The following DOCK1 variants were observed in gnomAD, a reference collection of about 807,000 sequenced individuals.
DOCK1 encodes the protein dedicator of cytokinesis protein 1.
DOCK1 carries 138 observed loss-of-function variants against 262.7 expected under a neutral mutation model. The ratio of observed to expected loss-of-function variants is 0.53; its 90% confidence interval spans 0.46 to 0.61. The LOEUF (loss-of-function observed/expected upper bound fraction) is 0.61. DOCK1 is among the 20% of genes least tolerant of loss of function. The pLI is 0.00. For synonymous variants in DOCK1, 866 were observed against 867.4 expected (o/e 1.00, Z 0.03); for missense variants, 1,908 against 2,370.7 (o/e 0.80, Z 4.05).
chr10:127,126,804 C>A (rs1283172333), intron 26 of DOCK1, among the ~76,000 whole-genome samples: 1 of 152,192 alleles, frequency 6.6e-6, no homozygotes, highest in African/African-American at 2.4e-5. Context: ...TCCTGCATGA[C>A]CTTGAAAATC....
chr10:127,446,538 T>A lies in DOCK1; in HGVS notation c.5414-856T>A, dbSNP rs977256457. On this transcript the variant is annotated intron_variant, in intron 50 of 51. Coordinates refer to ENST00000623213, the MANE Select transcript of DOCK1 (RefSeq NM_001290223.2). The surrounding 1 kb of genome is among the most constrained non-coding windows in gnomAD (Gnocchi z 4.4). ...TGAGGACAGTCACTCACCGAAGCCT[T>A]CGTATTTCCCTCAGCCCCATGGCAG... Among the ~76,000 whole-genome samples the A allele has an allele frequency of 2.6e-5, 4 of 152,162 alleles. No individual in the cohort carries two copies. Among genetic ancestry groups the A allele is most frequent in the Non-Finnish European group, 4.4e-5 (3 of 68,028 alleles).
chr10:127,077,119 G>A (rs1170307549), intron 23 of DOCK1, among the ~76,000 whole-genome samples: 8 of 152,294 alleles, frequency 5.3e-5, no homozygotes, highest in East Asian at 3.9e-4. Flanking sequence ...CGAGGGCCGA[G>A]CGCGGTGGCT....
chr10:127,239,699 G>C (rs1385684139), intron 27 of DOCK1, among the ~76,000 whole-genome samples: 1 of 152,040 alleles, frequency 6.6e-6, no homozygotes, highest in African/African-American at 2.4e-5. Flanking sequence ...CTATTATAGT[G>C]TGTTTTCAGA....
At chr10:127,372,441 TC>T (rs148146695) in intron 33 of DOCK1, among the ~76,000 whole-genome samples, 437 of 152,322 alleles carry the variant, frequency 2.9e-3, no homozygotes, top group African/African-American at 0.01. Flanking sequence ...TTATCAACCC[TC>T]TAGACCGCTC....
intron 27 of DOCK1, among the ~76,000 whole-genome samples, chr10:127,141,728 G>T (rs1266046605): frequency 6.6e-6 from 1 of 151,748 alleles, no homozygotes; most frequent in East Asian, 1.9e-4. Context: ...AGTTGCCCTG[G>T]ACTGCTTTGT....
chr10:127,020,958 A>G (rs551374742), intron 13 of DOCK1, among the ~76,000 whole-genome samples: 2 of 152,262 alleles, frequency 1.3e-5, no homozygotes, highest in African/African-American at 4.8e-5. Context: ...ATCCTTATGA[A>G]GGATCCAGGC....
At chr10:127,154,409 C>G (rs148975831) in intron 27 of DOCK1, among the ~76,000 whole-genome samples, 2 of 152,136 alleles carry the variant, frequency 1.3e-5, no homozygotes, top group East Asian at 3.9e-4. Context: ...TTTTTAAGCA[C>G]TTGAAAAAAA....
chr10:127,258,888 A>G (rs960275124), intron 29 of DOCK1, among the ~76,000 whole-genome samples: 2 of 152,140 alleles, frequency 1.3e-5, no homozygotes, highest in African/African-American at 4.8e-5. Context: ...GCCTCTCTTT[A>G]ATGCCTATTG....
chr10:126,945,073 G>C (rs2035290922), intron 1 of DOCK1, among the ~76,000 whole-genome samples: 1 of 152,014 alleles, frequency 6.6e-6, no homozygotes, highest in Non-Finnish European at 1.5e-5. Flanking sequence ...TCCTGACTTT[G>C]TGATCCGCCT....
At position 127,061,746 on chromosome 10, in the gene DOCK1, C is replaced by T. The variant is rs1165515264; in HGVS notation, c.2415C>T (p.Ser805=). 1.3e-6 allele frequency: 2 copies of T among 1,593,482 alleles called. No homozygotes were observed. The part of the protein sequence containing the change: ...QLFRSINDMM[S]SMSDQTVRVK... ...TCAGGTCCATCAATGACATGATGAG[C>T]AGCATGTCAGACCAGACCGTCCGGG... is the stretch of plus-strand genomic sequence containing the variant. Residue 805 remains serine (S), a synonymous_variant, in exon 23 of 52, where the codon AGC becomes AGT. Transcript: ENST00000623213.
intron 38 of DOCK1, among the ~76,000 whole-genome samples, chr10:127,388,931 C>A (rs1170359761): frequency 6.6e-6 from 1 of 152,230 alleles, no homozygotes; most frequent in African/African-American, 2.4e-5. Context: ...TAGAAATCCC[C>A]TAAGTATGCA....
chr10:127,111,293 T>C (rs1037681295), intron 25 of DOCK1, among the ~76,000 whole-genome samples: 2 of 152,166 alleles, frequency 1.3e-5, no homozygotes, highest in African/African-American at 4.8e-5. Flanking sequence ...AGGCTAATAT[T>C]GAAAGAAAAT....
chr10:127,222,632 TG>T (rs1432688335), intron 27 of DOCK1, among the ~76,000 whole-genome samples: 30 of 12,698 alleles, frequency 2.4e-3, no homozygotes, highest in African/African-American at 5.1e-3. Flanking sequence ...TTTTGTTTTG[TG>T]TTGTGTTGTG....
At chr10:127,439,800 C>T (rs2069964127) in intron 49 of DOCK1, among the ~76,000 whole-genome samples, 1 of 152,118 alleles carries the variant, frequency 6.6e-6, no homozygotes, top group Non-Finnish European at 1.5e-5. Flanking sequence ...TCACATGACC[C>T]GTACTGCTGA....
At chr10:127,413,350 G>A (rs1385762672) in intron 43 of DOCK1, among the ~76,000 whole-genome samples, 2 of 152,174 alleles carry the variant, frequency 1.3e-5, no homozygotes, top group Non-Finnish European at 2.9e-5. Context: ...TTGAGGTCCG[G>A]GCACTTGGAC....
intron 50 of DOCK1, among the ~76,000 whole-genome samples, chr10:127,444,714 C>T (rs2070422428): frequency 6.6e-6 from 1 of 152,164 alleles, no homozygotes; most frequent in Non-Finnish European, 1.5e-5. Flanking sequence ...TTAAATTACC[C>T]TAGAAGTTCC....
At chr10:127,152,044 G>A (rs1368481764) in intron 27 of DOCK1, among the ~76,000 whole-genome samples, 1 of 151,838 alleles carries the variant, frequency 6.6e-6, no homozygotes, top group Non-Finnish European at 1.5e-5. Context: ...ATCACCCACA[G>A]AATATTACGT....
chr10:127,361,592 C>T (rs1307335509), intron 32 of DOCK1, among the ~76,000 whole-genome samples: 2 of 152,010 alleles, frequency 1.3e-5, no homozygotes, highest in Non-Finnish European at 2.9e-5. Flanking sequence ...ATAGCAAACT[C>T]ATCTTCATAA....
intron 29 of DOCK1, among the ~76,000 whole-genome samples, chr10:127,333,321 C>T (rs1282073651): frequency 6.6e-6 from 1 of 152,136 alleles, no homozygotes; most frequent in Non-Finnish European, 1.5e-5. Flanking sequence ...TGCCTTTCTC[C>T]ACATTCTCCC....
Sources: gnomAD v4.1 joint callset for allele counts (sites outside exome capture counted in the v4.1 genomes callset) on GRCh38, gnomAD v4.1.1 for gene constraint, Gnocchi (gnomAD v3.1) non-coding constraint, MANE v1.5 for transcripts, NCBI Gene and HGNC (gene_info 2026-07-23, HGNC 2026-07-21) for gene names.